The following IMMP2L variants were observed in gnomAD, a reference collection of about 807,000 sequenced individuals.
IMMP2L encodes inner mitochondrial membrane peptidase subunit 2.
IMMP2L carries 18 observed loss-of-function variants against 19.3 expected under a neutral mutation model. The observed-to-expected ratio is 0.93, with a 90% CI of 0.64 to 1.38. The LOEUF is 1.38. Among genes scored for constraint, IMMP2L ranks in the 40% most tolerant of loss-of-function variants. IMMP2L has a pLI of 0.00. For synonymous variants in IMMP2L, 76 were observed against 73.0 expected (o/e 1.04, Z -0.21); for missense variants, 233 against 218.2 (o/e 1.07, Z -0.43).
At chr7:111,235,802 C>T (rs1453628152) in intron 3 of IMMP2L, among the ~76,000 whole-genome samples, 2 of 152,020 alleles carry the variant, frequency 1.3e-5, no homozygotes, top group African/African-American at 2.4e-5. Flanking sequence ...TCTTCAGCAA[C>T]TTGAATAACA....
intron 3 of IMMP2L, among the ~76,000 whole-genome samples, chr7:111,393,527 C>A (rs942536402): frequency 2.6e-5 from 4 of 152,166 alleles, no homozygotes; most frequent in African/African-American, 9.6e-5. Flanking sequence ...CAGGGAATAT[C>A]TGCAGTCTGT....
At chr7:111,002,370 A>G (rs534325203) in intron 3 of IMMP2L, among the ~76,000 whole-genome samples, 1 of 152,256 alleles carries the variant, frequency 6.6e-6, no homozygotes, top group African/African-American at 2.4e-5. Context: ...AAACAATCAG[A>G]CTGACCAAGT....
intron 3 of IMMP2L, among the ~76,000 whole-genome samples, chr7:110,994,109 C>A (rs1409003797): frequency 6.6e-6 from 1 of 151,468 alleles, no homozygotes; most frequent in African/African-American, 2.4e-5. Context: ...TTCATTGATT[C>A]CTTAAGTATT....
At chr7:111,348,357 A>G (rs952764628) in intron 3 of IMMP2L, among the ~76,000 whole-genome samples, 4 of 152,106 alleles carry the variant, frequency 2.6e-5, no homozygotes, top group Admixed American at 1.3e-4. Flanking sequence ...AAATCTTTAT[A>G]TGAGAAGATT....
intron 5 of IMMP2L, among the ~76,000 whole-genome samples, chr7:110,821,542 G>T (rs562766184): frequency 1.3e-5 from 2 of 152,056 alleles, no homozygotes; most frequent in South Asian, 4.1e-4. Context: ...GCACTCATGA[G>T]AAAATGGAGG....
chr7:111,235,767 G>A (rs781626758), intron 3 of IMMP2L, among the ~76,000 whole-genome samples: 1 of 151,698 alleles, frequency 6.6e-6, no homozygotes, highest in Non-Finnish European at 1.5e-5. Context: ...AAATATTTCA[G>A]TCTAAAACTC....
intron 3 of IMMP2L, among the ~76,000 whole-genome samples, chr7:111,168,400 G>A (rs1806066648): frequency 6.6e-6 from 1 of 151,734 alleles, no homozygotes; most frequent in South Asian, 2.1e-4. Flanking sequence ...CCATCTAGCA[G>A]CATCTATAAA....
intron 5 of IMMP2L, among the ~76,000 whole-genome samples, chr7:110,795,976 C>T (rs78942173): frequency 1.3e-5 from 2 of 152,098 alleles, no homozygotes; most frequent in East Asian, 3.9e-4. Context: ...GGGAGAAGGA[C>T]GTGGTGGAAG....
chr7:111,066,588 A>G (rs759762817), intron 3 of IMMP2L, among the ~76,000 whole-genome samples: 5 of 152,192 alleles, frequency 3.3e-5, no homozygotes, highest in African/African-American at 4.8e-5. Context: ...GAATTAAGTA[A>G]TTCTCAAAGG....
rs553618051 is a variant in IMMP2L at position 110,855,968 on chromosome 7, C to T, written c.408+30625G>A. ...ATACTCAAATAATAATGTGATAGAC[C>T]GAACAATAGAAAACTGTATGCTTAT... On this transcript the variant is annotated intron_variant, in intron 5 of 5. Transcript: ENST00000405709. Among the ~76,000 whole-genome samples the T allele has an allele frequency of 3.6e-4, 55 of 151,808 alleles. No homozygotes were observed. The South Asian group carries it at 9.3e-3, about 26-fold the overall frequency.
intron 5 of IMMP2L, among the ~76,000 whole-genome samples, chr7:110,849,861 T>G (rs1806021752): frequency 6.6e-6 from 1 of 152,132 alleles, no homozygotes; most frequent in African/African-American, 2.4e-5. Flanking sequence ...ATCATTCTCA[T>G]AGAATTATTT....
At chr7:111,558,000 A>G (rs1162839452) in intron 1 of IMMP2L, among the ~76,000 whole-genome samples, 3 of 152,104 alleles carry the variant, frequency 2.0e-5, no homozygotes, top group Admixed American at 2.0e-4. Flanking sequence ...CTAAGTCCTA[A>G]CCATTAAAAA....
chr7:111,335,471 TA>T, intron 3 of IMMP2L, among the ~76,000 whole-genome samples: 1 of 151,988 alleles, frequency 6.6e-6, no homozygotes, highest in Middle Eastern at 3.4e-3. Context: ...CAACTCAAAA[TA>T]AAAATAGGTA....
At position 111,213,224 on chromosome 7, in the gene IMMP2L, GGTGCTGTCACA is replaced by G. The variant is rs1297289331; in HGVS notation, c.240-249670_240-249660del. On this transcript the variant is annotated intron_variant, in intron 3 of 5. Transcript: ENST00000405709. The surrounding 1 kb of genome is among the most constrained non-coding windows in gnomAD (Gnocchi z 4.8). ...TGGAGTGGAGTTGAGGCCTAGCCCG[GGTGCTGTCACA>G]ATCAGGCTGAGTGTGCACACAATAA... Among the ~76,000 whole-genome samples the G allele has an allele frequency of 6.6e-6, 1 of 152,180 alleles. No homozygotes were observed. The highest frequency in any genetic ancestry group is 1.5e-5 in the Non-Finnish European group (1 of 68,024).
At chr7:110,855,206 G>A (rs1277743018) in intron 5 of IMMP2L, among the ~76,000 whole-genome samples, 1 of 151,910 alleles carries the variant, frequency 6.6e-6, no homozygotes, top group African/African-American at 2.4e-5. Flanking sequence ...TGACCAAGAA[G>A]AAATTGCTGC....
At chr7:111,305,844 T>C (rs569192608) in intron 3 of IMMP2L, among the ~76,000 whole-genome samples, 39 of 152,284 alleles carry the variant, frequency 2.6e-4, no homozygotes, top group African/African-American at 8.9e-4. Flanking sequence ...TCCATTCTAT[T>C]GTTCTCTATC....
intron 3 of IMMP2L, among the ~76,000 whole-genome samples, chr7:110,971,822 A>G (rs1232731860): frequency 6.6e-6 from 1 of 152,052 alleles, no homozygotes. Flanking sequence ...CTTTCTAGTG[A>G]CAATCGAGAT....
chr7:110,785,518 C>G (rs1231856410), intron 5 of IMMP2L, among the ~76,000 whole-genome samples: 1 of 151,810 alleles, frequency 6.6e-6, no homozygotes, highest in East Asian at 1.9e-4. Flanking sequence ...CACTGGACTT[C>G]CCATAGATTT....
At chr7:111,456,546 C>A (rs1243495235) in intron 3 of IMMP2L, among the ~76,000 whole-genome samples, 12 of 152,148 alleles carry the variant, frequency 7.9e-5, no homozygotes, top group Admixed American at 7.9e-4. Flanking sequence ...ACACTAAGGT[C>A]TTTTCCAAAT....
Sources: gnomAD v4.1 joint callset for allele counts (sites outside exome capture counted in the v4.1 genomes callset) on GRCh38, gnomAD v4.1.1 for gene constraint, Gnocchi (gnomAD v3.1) non-coding constraint, MANE v1.5 for transcripts, NCBI Gene and HGNC (gene_info 2026-07-23, HGNC 2026-07-21) for gene names.